ZSCAN25: variants seen among roughly 807,000 people sequenced by gnomAD.
The protein encoded by ZSCAN25 is zinc finger and SCAN domain containing 25.
A neutral mutation model predicts 38.7 loss-of-function variants in ZSCAN25; 27 were observed. The ratio of observed to expected loss-of-function variants is 0.70; its 90% CI spans 0.51 to 0.96. The LOEUF is 0.96. Ranked by LOEUF, ZSCAN25 falls within the 40% of genes least tolerant of loss-of-function variation. The pLI is 0.00. For missense variants in ZSCAN25, 637 were observed against 705.9 expected (o/e 0.90, Z 1.11); for synonymous variants, 273 against 277.7 (o/e 0.98, Z 0.17).
the ZSCAN25 span, among the ~76,000 whole-genome samples, chr7:99,689,939 G>GA: frequency 6.6e-6 from 1 of 152,122 alleles, no homozygotes; most frequent in Non-Finnish European, 1.5e-5. Context: ...CACAGAATTG[G>GA]AAAAAACTAC....
the ZSCAN25 span, among the ~76,000 whole-genome samples, chr7:99,653,449 T>TTAAA: frequency 4.7e-5 from 2 of 42,670 alleles, no homozygotes; most frequent in South Asian, 9.3e-4. This position sits in a 1 kb window ranked among gnomAD's most constrained non-coding sequence, Gnocchi z 4.2. Context: ...AGACCCTGTC[T>TTAAA]CAAATAAATA....
At chr7:99,725,160 G>A in the ZSCAN25 span, among the ~76,000 whole-genome samples, 242 of 152,208 alleles carry the variant, frequency 1.6e-3, no homozygotes, top group African/African-American at 5.4e-3. Context: ...ACTACCCAAG[G>A]TAAAGATGAA....
the ZSCAN25 span, among the ~76,000 whole-genome samples, chr7:99,638,001 A>G: frequency 6.6e-6 from 1 of 152,184 alleles, no homozygotes; most frequent in African/African-American, 2.4e-5. Flanking sequence ...GGAAGTCAAC[A>G]AGAGCATCTA....
At chr7:99,720,555 AG>A in the ZSCAN25 span, 1 of 903,514 alleles carries the variant, frequency 1.1e-6, no homozygotes, top group East Asian at 2.8e-5. Flanking sequence ...CTAGTTCATT[AG>A]GTATAACTCA....
chr7:99,697,536 G>A, the ZSCAN25 span, among the ~76,000 whole-genome samples: 5 of 152,142 alleles, frequency 3.3e-5, no homozygotes, highest in Non-Finnish European at 4.4e-5. Context: ...CTAATGTCCA[G>A]GTACCTTCCT....
the ZSCAN25 span, chr7:99,722,265 T>A: frequency 6.2e-7 from 1 of 1,613,176 alleles, no homozygotes; most frequent in Non-Finnish European, 8.5e-7. Context: ...TAGAAACAAG[T>A]CTATCCAATG....
At chr7:99,663,252 G>T in the ZSCAN25 span, 1 of 1,049,972 alleles carries the variant, frequency 9.5e-7, no homozygotes, top group Non-Finnish European at 1.1e-6. Flanking sequence ...TTTTTCTTCA[G>T]CAGTGTCCGT....
chr7:99,691,489 A>C, the ZSCAN25 span, among the ~76,000 whole-genome samples: 1 of 152,208 alleles, frequency 6.6e-6, no homozygotes, highest in African/African-American at 2.4e-5. Flanking sequence ...TAATATTGAC[A>C]ATGGGGTGTT....
the ZSCAN25 span, among the ~76,000 whole-genome samples, chr7:99,723,877 C>G: frequency 6.6e-6 from 1 of 152,196 alleles, no homozygotes; most frequent in Non-Finnish European, 1.5e-5. Flanking sequence ...GACTCGGGAA[C>G]AGTCTTCCCT....
the ZSCAN25 span, chr7:99,660,680 T>A: frequency 6.2e-7 from 1 of 1,612,768 alleles, no homozygotes; most frequent in Non-Finnish European, 8.5e-7. Context: ...AGGAAAGACA[T>A]TTTAGGTAAA....
At chr7:99,680,109 A>G in the ZSCAN25 span, 1 of 556,790 alleles carries the variant, frequency 1.8e-6, no homozygotes, top group East Asian at 3.1e-5. Context: ...TTTTGAGTTC[A>G]TGTTCTATGA....
the ZSCAN25 span, among the ~76,000 whole-genome samples, chr7:99,641,917 T>C: frequency 1.3e-5 from 2 of 152,244 alleles, no homozygotes; most frequent in African/African-American, 4.8e-5. Context: ...AACCAGATAA[T>C]CTTTTAAAAA....
chr7:99,631,327 G>A lies in ZSCAN25; in HGVS notation c.*1307G>A. 1 of 985,084 alleles carries A rather than the reference G, an allele frequency of 1.0e-6. No individual in the cohort carries two copies. Among genetic ancestry groups the A allele is most frequent in the Non-Finnish European group, 1.2e-6 (1 of 829,848 alleles). The allele number at this position is 985,084 out of a possible 1,614,324, so 61.0% of individuals were successfully genotyped here. A position where few individuals can be genotyped will look rare whatever the true frequency, so the allele number is the denominator to read the frequency against. The stretch of plus-strand genomic sequence containing the variant: ...CCTGTTTTGCATGAGTGCCAAGTCA[G>A]GAAAAATAAAGATATTTGTAGGCAT... On this transcript the variant is annotated 3_prime_UTR_variant, in exon 8 of 8. Transcript: ENST00000394152.
At chr7:99,660,564 G>T in the ZSCAN25 span, 5 of 1,613,980 alleles carry the variant, frequency 3.1e-6, no homozygotes, top group Non-Finnish European at 4.2e-6. Context: ...TGAGTGGCCA[G>T]TTCATATAAA....
chr7:99,649,946 A>G, the ZSCAN25 span: 3 of 1,203,050 alleles, frequency 2.5e-6, no homozygotes, highest in African/African-American at 4.6e-5. Flanking sequence ...ATGATCAAAG[A>G]TGGATCCAAG....
At chr7:99,641,515 T>C in the ZSCAN25 span, among the ~76,000 whole-genome samples, 1 of 152,148 alleles carries the variant, frequency 6.6e-6, no homozygotes, top group African/African-American at 2.4e-5. Flanking sequence ...CAGGAGCTAT[T>C]TGATTCCAGG....
At chr7:99,700,000 C>A in the ZSCAN25 span, 4 of 1,612,226 alleles carry the variant, frequency 2.5e-6, no homozygotes, top group Non-Finnish European at 3.4e-6. Context: ...CAGGAGAAGC[C>A]AGGTTTCCAC....
chr7:99,703,677 C>G, the ZSCAN25 span, among the ~76,000 whole-genome samples: 1 of 152,136 alleles, frequency 6.6e-6, no homozygotes, highest in Non-Finnish European at 1.5e-5. Flanking sequence ...AGATGAGAAG[C>G]CTGGCTTCTA....
chr7:99,724,040 T>C, the ZSCAN25 span, among the ~76,000 whole-genome samples: 4 of 151,926 alleles, frequency 2.6e-5, no homozygotes, highest in South Asian at 2.1e-4. Context: ...GGGTGGCAAG[T>C]ACCACCTTCC....
Sources: allele counts gnomAD v4.1 joint callset (sites outside exome capture counted in the v4.1 genomes callset), GRCh38; gene constraint gnomAD v4.1.1; non-coding constraint Gnocchi (gnomAD v3.1); transcripts MANE v1.5; gene names NCBI Gene and HGNC (gene_info 2026-07-23, HGNC 2026-07-21).